POSTN: variants seen among roughly 807,000 people sequenced by gnomAD.
The protein encoded by POSTN is osteoblast specific factor 2 (fasciclin I-like).
In POSTN, 71 loss-of-function variants were observed where a neutral mutation model predicts 104.5. That is an observed-to-expected ratio of 0.68 (90% CI 0.56 to 0.83). POSTN has a LOEUF of 0.83. POSTN is among the 40% of genes least tolerant of loss of function. POSTN has a pLI of 0.00. For missense variants in POSTN, 949 were observed against 1,006.8 expected, an observed-to-expected ratio of 0.94 and a Z score of 0.78; for synonymous variants, 355 against 340.7, an observed-to-expected ratio of 1.04 and a Z score of -0.46.
At chr13:37,590,261 T>C (rs937050019) in intron 4 of POSTN, 111 bp downstream of exon 4, 8 of 823,688 alleles carry the variant, frequency 9.7e-6, no homozygotes, top group Non-Finnish European at 1.1e-5. Context: ...TTCTCATATA[T>C]GTACAATAGA....
chr13:37,585,517 G>A (rs1005316335), intron 7 of POSTN, among the ~76,000 whole-genome samples: 1 of 152,114 alleles, frequency 6.6e-6, no homozygotes, highest in African/African-American at 2.4e-5. Flanking sequence ...AATTATTTCC[G>A]GAAGGCAACT....
In POSTN at chr13:37,584,013, T is replaced by A; in HGVS notation, c.1199A>T (p.Asp400Val). The A allele has an allele frequency of 6.2e-7, 1 of 1,613,928 alleles. No individual in the cohort carries two copies. The highest frequency in any genetic ancestry group is 8.5e-7 in the Non-Finnish European group (1 of 1,179,924). ...AGGTGCCAGCAAAGTGTATTCTCCA[T>A]CTGGCCTCAGAGCAGATGCCAAGCC... ...QLGLASALRP[D>V]GEYTLLAPVN... Residue 400 changes from aspartate to valine, a missense_variant, in exon 9 of 23, where the codon GAT becomes GTT. By Grantham distance (152) the Asp-to-Val change is radical. Coordinates refer to ENST00000379747, the MANE Select transcript of POSTN (RefSeq NM_006475.3).
Position 37,563,099 on chromosome 13 carries a change from G to T in POSTN, c.*234C>A. ...GAACTTTTAATGTCAAGATGAAAAA[G>T]GGTGTAAGGTGTTATATTTTCTTCA... On this transcript the variant is annotated 3_prime_UTR_variant, in exon 23 of 23. Coordinates refer to ENST00000379747, the MANE Select transcript of POSTN (RefSeq NM_006475.3). The T allele has an allele frequency of 3.1e-6, 1 of 325,648 alleles. No individual in the cohort carries two copies. Among genetic ancestry groups the T allele is most frequent in the Non-Finnish European group, 5.6e-6 (1 of 178,758 alleles). 20.2% of individuals were successfully genotyped at this position (325,648 alleles called of 1,614,324 possible).
rs1212447947 is a variant in POSTN, at chr13:37,586,235, C to G, written c.799G>C (p.Gly267Arg). The change falls in exon 7 of 23, where the codon GGT (glycine) becomes CGT (arginine). Residue 267 changes from glycine to arginine, a missense_variant. By Grantham distance (125) the Gly-to-Arg change is moderately radical. Coordinates refer to ENST00000379747, the MANE Select transcript of POSTN (RefSeq NM_006475.3). The part of the protein sequence containing the change: ...SDILEALGRD[G>R]HFTLFAPTNE... ...GTGGGAGCAAAGAGTGTGAAGTGACCGTCTCTTCCAAGGGCCTCCAATATG... is the reference window on the plus strand; with the variant it reads ...GTGGGAGCAAAGAGTGTGAAGTGACGGTCTCTTCCAAGGGCCTCCAATATG... 1.2e-6 allele frequency: 2 copies of G among 1,613,390 alleles called. No homozygotes were observed. The highest frequency in any genetic ancestry group is 1.7e-6 in the Non-Finnish European group (2 of 1,179,550).
intron 21 of POSTN, among the ~76,000 whole-genome samples, chr13:37,567,359 T>C (rs1043171479): frequency 6.6e-6 from 1 of 151,108 alleles, no homozygotes; most frequent in East Asian, 1.9e-4. Context: ...TATGTATTAA[T>C]TGGCCAGACC....
At position 37,564,574 on chromosome 13, in the gene POSTN, G is replaced by T. The variant is rs776014084; in HGVS notation, c.2432-14C>A. ...TCACGGGTGTGTCTAAAATTAAATTGTTGTAGTTAGAAATACTTCGCAATT... is the reference window on the plus strand; with the variant it reads ...TCACGGGTGTGTCTAAAATTAAATTTTTGTAGTTAGAAATACTTCGCAATT... On this transcript the variant is annotated splice_polypyrimidine_tract_variant and intron_variant, in intron 21 of 22. Coordinates refer to ENST00000379747, the MANE Select transcript of POSTN (RefSeq NM_006475.3). The T allele has an allele frequency of 2.2e-5, 35 of 1,572,570 alleles. No individual in the cohort carries two copies. The highest frequency in any genetic ancestry group is 3.0e-5 in the Non-Finnish European group (34 of 1,145,176).
intron 2 of POSTN, among the ~76,000 whole-genome samples, chr13:37,592,930 C>T (rs1405795409): frequency 4.6e-5 from 7 of 151,782 alleles, no homozygotes; most frequent in African/African-American, 9.7e-5. Context: ...CATTGGAGTC[C>T]GTAACATGCT....
intron 9 of POSTN, among the ~76,000 whole-genome samples, chr13:37,582,822 G>T (rs1454332225): frequency 4.6e-5 from 7 of 152,150 alleles, no homozygotes; most frequent in Non-Finnish European, 1.0e-4. Context: ...CTTAATGGTG[G>T]CCAAGGCTTT....
intron 2 of POSTN, among the ~76,000 whole-genome samples, chr13:37,596,120 C>A (rs576780445): frequency 3.5e-4 from 53 of 152,110 alleles, no homozygotes; most frequent in Middle Eastern, 6.8e-3. Flanking sequence ...AGGATTTATA[C>A]CAATATTATT....
chr13:37,574,431 A>G (rs558785615), intron 17 of POSTN, 141 bp downstream of exon 17: 39 of 1,163,344 alleles, frequency 3.4e-5, no homozygotes, highest in Admixed American at 7.7e-5. Flanking sequence ...CTGCAATTAC[A>G]TGAGCATGCC....
chr13:37,583,447 T>TC, intron 9 of POSTN, among the ~76,000 whole-genome samples: 1 of 149,732 alleles, frequency 6.7e-6, no homozygotes. Context: ...AGTTTCGTTT[T>TC]TTTTTTTTTT....
At chr13:37,586,029 T>G in intron 7 of POSTN, 110 bp downstream of exon 7, 1 of 1,067,288 alleles carries the variant, frequency 9.4e-7, no homozygotes, top group Non-Finnish European at 1.3e-6. Context: ...AATAAAAATT[T>G]TTCCCTGCCT....
intron 21 of POSTN, among the ~76,000 whole-genome samples, chr13:37,568,049 G>T (rs1950166721): frequency 6.6e-6 from 1 of 151,812 alleles, no homozygotes; most frequent in Non-Finnish European, 1.5e-5. Context: ...TAATGTGTTT[G>T]TCTCTTCCCT....
chr13:37,580,229 G>T (rs1950538947), intron 11 of POSTN, among the ~76,000 whole-genome samples: 1 of 151,822 alleles, frequency 6.6e-6, no homozygotes, highest in Non-Finnish European at 1.5e-5. Context: ...ACTTGACAAG[G>T]TCACACATAA....
chr13:37,593,043 T>A (rs1950988323), intron 2 of POSTN, among the ~76,000 whole-genome samples: 1 of 151,180 alleles, frequency 6.6e-6, no homozygotes, highest in Admixed American at 6.6e-5. Context: ...TTTATTTTTG[T>A]AAAATTTGAT....
chr13:37,597,943 A>G (rs1462999124), intron 1 of POSTN, among the ~76,000 whole-genome samples: 1 of 152,204 alleles, frequency 6.6e-6, no homozygotes, highest in Non-Finnish European at 1.5e-5. Context: ...TGTGAACATT[A>G]TGAAAATTCC....
chr13:37,574,648 AG>A lies in POSTN; in HGVS notation c.2012del (p.Thr671IlefsTer4), dbSNP rs768289508. The A allele has an allele frequency of 1.3e-6, 2 of 1,594,770 alleles. No individual in the cohort carries two copies. The highest frequency in any genetic ancestry group is 1.7e-6 in the Non-Finnish European group (2 of 1,173,588). The stretch of plus-strand genomic sequence containing the variant: ...GTTCCACAACTTTGGTTATAATTTT[AG>A]TTGCTGAAAGTATAGAAAGTGGAAC... ...FKEIPVTVYT[T>X]KIITKVVEPK... On this transcript the variant is annotated frameshift_variant, in exon 17 of 23. Transcript: ENST00000379747. LOFTEE classifies it high-confidence loss of function.
intron 17 of POSTN, among the ~76,000 whole-genome samples, chr13:37,572,644 A>G (rs946424624): frequency 8.6e-5 from 13 of 151,594 alleles, no homozygotes; most frequent in African/African-American, 3.1e-4. Flanking sequence ...TTTACTCCCA[A>G]CACCTCAGAA....
At chr13:37,566,221 G>A (rs1950094880) in intron 21 of POSTN, among the ~76,000 whole-genome samples, 1 of 152,182 alleles carries the variant, frequency 6.6e-6, no homozygotes, top group Non-Finnish European at 1.5e-5. Context: ...GTTTAGAGCA[G>A]CAAAACATGG....
Sources: allele counts gnomAD v4.1 joint callset (sites outside exome capture counted in the v4.1 genomes callset), GRCh38; gene constraint gnomAD v4.1.1; transcripts MANE v1.5; gene names NCBI Gene and HGNC (gene_info 2026-07-23, HGNC 2026-07-21).